GPCPD1: variants seen among roughly 807,000 people sequenced by gnomAD.
GPCPD1 encodes the protein glycerophosphocholine phosphodiesterase 1.
A neutral mutation model predicts 89.2 loss-of-function variants in GPCPD1; 29 were observed. The observed-to-expected ratio is 0.33, with a 90% confidence interval of 0.24 to 0.44. The LOEUF is 0.44. Among genes scored for constraint, GPCPD1 ranks in the 20% least tolerant of loss-of-function variants. GPCPD1 has a pLI of 1.00. For missense variants in GPCPD1, 594 were observed against 808.9 expected (o/e 0.73, Z 3.22); for synonymous variants, 258 against 266.3 (o/e 0.97, Z 0.30).
At chr20:5,584,212 C>A in intron 6 of GPCPD1, 69 bp downstream of exon 6, 1 of 791,188 alleles carries the variant, frequency 1.3e-6, no homozygotes, top group South Asian at 1.6e-5. Flanking sequence ...TGCTATATAA[C>A]TCCAGTGAAA....
Position 5,580,027 on chromosome 20 carries a change from A to AT in GPCPD1, c.453dup (p.Leu152IlefsTer5). The stretch of plus-strand genomic sequence containing the variant: ...TCATACCTAAATCTAGATTTTTTTA[A>AT]TTTTTTCTTGGTTATTGACACAGGA... On this transcript the variant is annotated frameshift_variant, in exon 7 of 20. Transcript: ENST00000379019. LOFTEE classifies it high-confidence loss of function. The AT allele has an allele frequency of 1.3e-6, 2 of 1,544,080 alleles. No individual in the cohort carries two copies. The highest frequency in any genetic ancestry group is 1.8e-6 in the Non-Finnish European group (2 of 1,120,598).
At position 5,569,395 on chromosome 20, in the gene GPCPD1, T is replaced by C. The variant is rs568980490; in HGVS notation, c.1149+752A>G. ...GTCCCCGAGAAATCACTTGGTTACA[T>C]AGTATACTGACGTTTAGGGACTATA... On this transcript the variant is annotated intron_variant, in intron 12 of 19. Coordinates refer to ENST00000379019, the MANE Select transcript of GPCPD1 (RefSeq NM_019593.5). Among the ~76,000 whole-genome samples, 17 of 152,288 alleles carry C rather than the reference T, an allele frequency of 1.1e-4. 1 individual carries two copies. The East Asian group carries it at 2.7e-3, about 24-fold the overall frequency.
chr20:5,590,751 T>C (rs1012512875), intron 4 of GPCPD1, among the ~76,000 whole-genome samples: 7 of 152,174 alleles, frequency 4.6e-5, no homozygotes, highest in African/African-American at 1.4e-4. Context: ...AATAATTATC[T>C]ATCGCAGGTG....
In GPCPD1 at chr20:5,566,549, C is replaced by G. The variant is rs138424826; in HGVS notation, c.1267+184G>C. On this transcript the variant is annotated intron_variant, in intron 14 of 19. Transcript: ENST00000379019. ...GAAAAGCAATGCAATGGTTACTATA[C>G]ACATGATATATATTTAGTAGAAAAC... Among the ~76,000 whole-genome samples the G allele has an allele frequency of 2.6e-4, 39 of 152,308 alleles. 1 individual carries two copies. In the East Asian group the frequency reaches 7.3e-3, roughly 29 times the overall value.
intron 3 of GPCPD1, 138 bp from the exon 4 acceptor site, chr20:5,593,549 T>G: frequency 2.6e-4 from 141 of 533,896 alleles, no homozygotes; most frequent in East Asian, 3.5e-4. Context: ...TTTACAGGCC[T>G]ACTCTGTAGC....
chr20:5,573,778 C>G, intron 11 of GPCPD1, 137 bp downstream of exon 11: 4 of 738,874 alleles, frequency 5.4e-6, no homozygotes, highest in Non-Finnish European at 4.9e-6. Context: ...GTTCTATTGT[C>G]TTCATTCCGA....
intron 10 of GPCPD1, chr20:5,574,268 T>C: frequency 3.0e-6 from 1 of 336,978 alleles, no homozygotes; most frequent in Non-Finnish European, 5.4e-6. Context: ...AAAACAATCC[T>C]TTTCAATGGC....
chr20:5,567,348 A>T, intron 13 of GPCPD1, 135 bp downstream of exon 13: 1 of 1,089,116 alleles, frequency 9.2e-7, no homozygotes, highest in South Asian at 2.0e-5. Context: ...CAAACAGAAC[A>T]GAATACCAAA....
At chr20:5,561,199 A>T (rs1337057962) in intron 16 of GPCPD1, among the ~76,000 whole-genome samples, 1 of 152,250 alleles carries the variant, frequency 6.6e-6, no homozygotes, top group Non-Finnish European at 1.5e-5. Context: ...CTTTATAAGT[A>T]TCTCCCCAAA....
chr20:5,565,656 A>G (rs1368254298), intron 14 of GPCPD1, among the ~76,000 whole-genome samples: 1 of 152,172 alleles, frequency 6.6e-6, no homozygotes, highest in African/African-American at 2.4e-5. Flanking sequence ...AAGAGTGATT[A>G]TTTTCTTATA....
At chr20:5,580,166 T>C (rs372240164) in intron 6 of GPCPD1, 35 bp from the exon 7 acceptor site, 6 of 1,208,370 alleles carry the variant, frequency 5.0e-6, no homozygotes, top group Non-Finnish European at 1.2e-6. Flanking sequence ...GTAATTATTA[T>C]ACATGTTTTT....
chr20:5,576,209 A>T (rs1279021921), intron 8 of GPCPD1, among the ~76,000 whole-genome samples: 1 of 152,050 alleles, frequency 6.6e-6, no homozygotes, highest in East Asian at 1.9e-4. Flanking sequence ...TCACAAGGTC[A>T]GGAGTTTGAT....
chr20:5,578,228 ACT>A, intron 8 of GPCPD1, 150 bp downstream of exon 8: 1 of 610,612 alleles, frequency 1.6e-6, no homozygotes, highest in East Asian at 2.7e-5. Flanking sequence ...GAAGATGACA[ACT>A]CTAAGTTTTT....
chr20:5,563,215 G>C (rs750555703), intron 15 of GPCPD1, among the ~76,000 whole-genome samples: 9 of 152,110 alleles, frequency 5.9e-5, no homozygotes, highest in Non-Finnish European at 8.8e-5. Context: ...CCCTGACCTC[G>C]TGATCCACCT....
chr20:5,583,024 C>T (rs112167526), intron 6 of GPCPD1, among the ~76,000 whole-genome samples: 6,043 of 151,654 alleles, frequency 0.04, 161 homozygotes, highest in South Asian at 0.063. Flanking sequence ...CACCTGAAGT[C>T]GGGAGTTCAA....
At chr20:5,602,601 T>A (rs796803711) in intron 2 of GPCPD1, among the ~76,000 whole-genome samples, 4 of 152,354 alleles carry the variant, frequency 2.6e-5, no homozygotes, top group African/African-American at 9.6e-5. Flanking sequence ...AGTCATTCAC[T>A]CATTCTTTGA....
intron 9 of GPCPD1, 87 bp from the exon 10 acceptor site, chr20:5,575,632 G>A (rs1568659064): frequency 1.0e-6 from 1 of 962,524 alleles, no homozygotes; most frequent in Non-Finnish European, 1.6e-6. Flanking sequence ...TACCACTCAA[G>A]TCAGCTTTAT....
At chr20:5,561,564 G>C (rs748678045) in intron 15 of GPCPD1, 34 bp from the exon 16 acceptor site, 24 of 1,076,408 alleles carry the variant, frequency 2.2e-5, no homozygotes, top group Middle Eastern at 2.0e-4. Flanking sequence ...TTTTGTTTTT[G>C]ATGAGATGGA....
At position 5,570,166 on chromosome 20, in the gene GPCPD1, C is replaced by A; in HGVS notation, c.1130G>T (p.Cys377Phe). ...ACGTACCTTTTTCATAGTCAAACAA[C>A]AGGTAAGATCATGATATACCACGGG... ...FVPVVYHDLT[C>F]CLTMKKKFDA... is the part of the protein sequence containing the mutation. Residue 377 changes from cysteine to phenylalanine, a missense_variant, in exon 12 of 20, where the codon TGT becomes TTT. Cys to Phe is a radical substitution (Grantham distance 205). Coordinates refer to ENST00000379019, the MANE Select transcript of GPCPD1 (RefSeq NM_019593.5). 6.5e-7 allele frequency: 1 copy of A among 1,546,784 alleles called. No individual in the cohort carries two copies. The highest frequency in any genetic ancestry group is 2.3e-5 in the East Asian group (1 of 44,160).
Sources: allele counts gnomAD v4.1 joint callset (sites outside exome capture counted in the v4.1 genomes callset), GRCh38; gene constraint gnomAD v4.1.1; transcripts MANE v1.5; gene names NCBI Gene and HGNC (gene_info 2026-07-23, HGNC 2026-07-21).